The following AKAP6 variants were observed in gnomAD, a reference collection of about 807,000 sequenced individuals.
The protein encoded by AKAP6 is A-kinase anchor protein 6.
In AKAP6, 58 loss-of-function variants were observed where a neutral mutation model predicts 188.5. That is an observed-to-expected ratio of 0.31 (90% CI 0.25 to 0.38). AKAP6 has a LOEUF of 0.38. AKAP6 is among the 10% of genes least tolerant of loss of function. The pLI is 1.00. For missense variants in AKAP6, 2,710 were observed against 2,740.0 expected (o/e 0.99, Z 0.24); for synonymous variants, 989 against 998.6 (o/e 0.99, Z 0.18).
At chr14:32,552,275 C>G (rs1270239214) in intron 4 of AKAP6, among the ~76,000 whole-genome samples, 9 of 152,116 alleles carry the variant, frequency 5.9e-5, no homozygotes, top group African/African-American at 2.2e-4. Flanking sequence ...ATTCCTCCCA[C>G]AAGATAAAGA....
chr14:32,832,595 C>T lies in AKAP6; in HGVS notation c.*2790C>T, dbSNP rs2034832377. 6.6e-6 allele frequency: 1 copy of T among 152,110 alleles called. No homozygotes were observed. The highest frequency in any genetic ancestry group is 6.5e-5 in the Admixed American group (1 of 15,270). 9.4% of individuals were successfully genotyped at this position (152,110 alleles called of 1,614,324 possible). A position where few individuals can be genotyped will look rare whatever the true frequency, so the allele number is the denominator to read the frequency against. On this transcript the variant is annotated 3_prime_UTR_variant, in exon 14 of 14. Coordinates refer to ENST00000280979, the MANE Select transcript of AKAP6 (RefSeq NM_004274.5). ...ATGTAGGCACTACCTCCCCAATTACCCTTAGAAAATGATCACACCAACTCT... is the reference window on the plus strand; with the variant it reads ...ATGTAGGCACTACCTCCCCAATTACTCTTAGAAAATGATCACACCAACTCT...
At chr14:32,466,262 G>A (rs7146377) in intron 2 of AKAP6, among the ~76,000 whole-genome samples, 113,264 of 152,142 alleles carry the variant, frequency 0.74, 43,359 homozygotes, top group African/African-American at 0.92. Context: ...TTCTTGTATA[G>A]AGATGCATGC....
At chr14:32,647,972 T>C (rs1177639026) in intron 7 of AKAP6, among the ~76,000 whole-genome samples, 3 of 152,086 alleles carry the variant, frequency 2.0e-5, no homozygotes, top group African/African-American at 7.2e-5. Flanking sequence ...AAAATGCAAA[T>C]TGTGCAAAAG....
At chr14:32,785,729 C>T (rs944916495) in intron 12 of AKAP6, among the ~76,000 whole-genome samples, 1 of 151,986 alleles carries the variant, frequency 6.6e-6, no homozygotes, top group African/African-American at 2.4e-5. Flanking sequence ...AGATCTTGTA[C>T]AGGACAACTT....
chr14:32,356,410 C>T (rs893917331), intron 1 of AKAP6, among the ~76,000 whole-genome samples: 3 of 152,146 alleles, frequency 2.0e-5, no homozygotes, highest in African/African-American at 4.8e-5. Flanking sequence ...CCCCTCTACA[C>T]GTCTACACCT....
chr14:32,792,062 C>T (rs1392914098), intron 12 of AKAP6, among the ~76,000 whole-genome samples: 2 of 152,164 alleles, frequency 1.3e-5, no homozygotes, highest in African/African-American at 4.8e-5. Context: ...CATGATGCCT[C>T]TAGCTTTGTT....
chr14:32,547,711 GCA>G (rs1196670687), intron 4 of AKAP6, among the ~76,000 whole-genome samples: 4 of 152,024 alleles, frequency 2.6e-5, no homozygotes, highest in Admixed American at 1.3e-4. Context: ...AGGAGCGGTG[GCA>G]CACACCTGTG....
At chr14:32,352,988 G>A (rs1887342135) in intron 1 of AKAP6, among the ~76,000 whole-genome samples, 1 of 152,138 alleles carries the variant, frequency 6.6e-6, no homozygotes, top group Non-Finnish European at 1.5e-5. Flanking sequence ...TTCCATAACA[G>A]CTGTACTAAT....
Position 32,365,735 on chromosome 14 carries a change from C to T in AKAP6, c.-35+36327C>T, listed in dbSNP as rs919047944. 2.6e-5 allele frequency among the ~76,000 whole-genome samples: 4 copies of T among 152,124 alleles called. No individual in the cohort carries two copies. In the South Asian group the frequency reaches 8.3e-4, roughly 32 times the overall value. On this transcript the variant is annotated intron_variant, in intron 1 of 13. Coordinates refer to ENST00000280979, the MANE Select transcript of AKAP6 (RefSeq NM_004274.5). ...AGCCAGTCCAAACTTTGCCTCAAAC[C>T]CCTCCCCATTATCTCACCTCCCCAC...
At chr14:32,431,964 C>A (rs1290647669) in intron 1 of AKAP6, among the ~76,000 whole-genome samples, 1 of 152,184 alleles carries the variant, frequency 6.6e-6, no homozygotes, top group Non-Finnish European at 1.5e-5. Context: ...TTTATTTCCA[C>A]TCCTCATTCC....
intron 11 of AKAP6, among the ~76,000 whole-genome samples, chr14:32,741,030 T>A (rs117396521): frequency 1.3e-5 from 2 of 150,412 alleles, no homozygotes; most frequent in Non-Finnish European, 3.0e-5. Context: ...TTTTTTTTTT[T>A]TGTGTGTGTT....
intron 12 of AKAP6, among the ~76,000 whole-genome samples, chr14:32,777,895 C>T (rs2033116705): frequency 6.6e-6 from 1 of 152,038 alleles, no homozygotes; most frequent in South Asian, 2.1e-4. Context: ...AAAAATTAGG[C>T]AGGCCTGAAG....
chr14:32,420,492 A>G (rs891047056), intron 1 of AKAP6, among the ~76,000 whole-genome samples: 4 of 152,098 alleles, frequency 2.6e-5, no homozygotes, highest in African/African-American at 4.8e-5. Context: ...GTTGGTAGCT[A>G]TATCACAAAG....
rs145394372 is a variant in AKAP6 at position 32,692,919 on chromosome 14, G to A, written c.2880-3071G>A. Among the ~76,000 whole-genome samples, 479 of 152,198 alleles carry A rather than the reference G, an allele frequency of 3.1e-3. 1 individual carries two copies. Among genetic ancestry groups the A allele is most frequent in the African/African-American group, 0.011 (466 of 41,528 alleles). On this transcript the variant is annotated intron_variant, in intron 8 of 13. Transcript: ENST00000280979. Reference sequence around the variant, plus strand: ...AAGAAAAATACTTGCTTTAAGATCAGAGTTCAGGCTCTTAGACACATTATA... The same window carrying A: ...AAGAAAAATACTTGCTTTAAGATCAAAGTTCAGGCTCTTAGACACATTATA...
chr14:32,762,672 C>G (rs1279504997), intron 11 of AKAP6, among the ~76,000 whole-genome samples: 1 of 150,464 alleles, frequency 6.6e-6, no homozygotes, highest in East Asian at 2.0e-4. Context: ...TTTTTTCCAA[C>G]AGAAAAAAAT....
intron 7 of AKAP6, among the ~76,000 whole-genome samples, chr14:32,609,559 G>A (rs1886264092): frequency 6.6e-6 from 1 of 152,094 alleles, no homozygotes; most frequent in Non-Finnish European, 1.5e-5. Flanking sequence ...TACTCATTTG[G>A]CCTGCAGAGG....
At chr14:32,719,906 A>G (rs2030440283) in intron 9 of AKAP6, among the ~76,000 whole-genome samples, 1 of 152,142 alleles carries the variant, frequency 6.6e-6, no homozygotes, top group Admixed American at 6.6e-5. Context: ...AATTGTAGAA[A>G]AAAAAAAGTC....
At chr14:32,811,526 G>A (rs1322378569) in intron 12 of AKAP6, among the ~76,000 whole-genome samples, 2 of 152,166 alleles carry the variant, frequency 1.3e-5, no homozygotes, top group African/African-American at 2.4e-5. Context: ...GGTTACAACT[G>A]TAACTATGGG....
At chr14:32,810,378 A>G (rs2034193865) in intron 12 of AKAP6, among the ~76,000 whole-genome samples, 1 of 152,112 alleles carries the variant, frequency 6.6e-6, no homozygotes, top group Admixed American at 6.5e-5. Context: ...AGGTCCTGAC[A>G]TTTAAAACTC....
Sources: gnomAD v4.1 joint callset for allele counts (sites outside exome capture counted in the v4.1 genomes callset) on GRCh38, gnomAD v4.1.1 for gene constraint, MANE v1.5 for transcripts, NCBI Gene and HGNC (gene_info 2026-07-23, HGNC 2026-07-21) for gene names.